The following TNC variants were observed in gnomAD, a reference collection of about 807,000 sequenced individuals.
TNC encodes the protein tenascin.
TNC carries 109 observed loss-of-function variants against 202.4 expected under a neutral mutation model. The observed-to-expected ratio is 0.54, with a 90% CI of 0.46 to 0.63. The LOEUF is 0.63. Among genes scored for constraint, TNC ranks in the 30% least tolerant of loss-of-function variants. The pLI, the probability that TNC is intolerant of heterozygous loss-of-function variation, is 0.00. For synonymous variants in TNC, 1,007 were observed against 1,089.7 expected (o/e 0.92, Z 1.50); for missense variants, 2,756 against 2,833.3 (o/e 0.97, Z 0.62).
intron 1 of TNC, among the ~76,000 whole-genome samples, chr9:115,092,133 T>A (rs1053980536): frequency 2.0e-5 from 3 of 152,186 alleles, no homozygotes; most frequent in Non-Finnish European, 4.4e-5. Context: ...TGTATAGGAT[T>A]TGTTTTGTGG....
At chr9:115,090,512 A>G in intron 2 of TNC, 50 bp downstream of exon 2, 1 of 1,441,770 alleles carries the variant, frequency 6.9e-7, no homozygotes, top group Non-Finnish European at 9.4e-7. Flanking sequence ...TATGCTCTTC[A>G]TTTCTCCATG....
In TNC at chr9:115,087,000, C is replaced by A. The variant is rs1834807585; in HGVS notation, c.731G>T (p.Gly244Val). 2 of 1,613,476 alleles carry A rather than the reference C, an allele frequency of 1.2e-6. No homozygotes were observed. The highest frequency in any genetic ancestry group is 1.7e-6 in the Non-Finnish European group (2 of 1,179,642). ...GVCICFEGYA[G>V]ADCSREICPV... ...GCAGATTTCACGGCTGCAGTCAGCC[C>A]CGGCGTAGCCTTCGAAACAGATGCA... Residue 244 changes from glycine (G) to valine (V), a missense_variant, in exon 3 of 28, where the codon GGG (glycine) becomes GTG (valine). Coordinates refer to ENST00000350763, the MANE Select transcript of TNC (RefSeq NM_002160.4).
chr9:115,020,613 T>C lies in TNC; in HGVS notation c.*544A>G, dbSNP rs1828994745. ...AAATGTTTTGGAAAGAAAGATCTCT[T>C]GAAAAATCCTTAGTTTTCATCATCA... is the stretch of plus-strand genomic sequence containing the variant. On this transcript the variant is annotated 3_prime_UTR_variant, in exon 28 of 28. Transcript: ENST00000350763. 5.6e-6 allele frequency: 2 copies of C among 357,186 alleles called. No individual in the cohort carries two copies. Among genetic ancestry groups the C allele is most frequent in the Non-Finnish European group, 5.5e-6 (1 of 181,762 alleles). The allele number at this position is 357,186 out of a possible 1,614,324, so 22.1% of individuals were successfully genotyped here.
At chr9:115,036,329 G>C (rs931443537) in intron 20 of TNC, 88 bp from the exon 21 acceptor site, 1 of 1,446,280 alleles carries the variant, frequency 6.9e-7, no homozygotes, top group Non-Finnish European at 9.5e-7. Flanking sequence ...CACCTCCTTC[G>C]AACATCGAAA....
chr9:115,090,032 C>T (rs1835098056), intron 2 of TNC, among the ~76,000 whole-genome samples: 2 of 152,198 alleles, frequency 1.3e-5, no homozygotes, highest in Admixed American at 1.3e-4. Flanking sequence ...TTTTCTAATT[C>T]TTATAACTCA....
chr9:115,035,484 G>C, intron 21 of TNC, 150 bp from the exon 22 acceptor site: 3 of 776,750 alleles, frequency 3.9e-6, no homozygotes, highest in Non-Finnish European at 5.9e-6. Flanking sequence ...TAAATAAGGT[G>C]GTTGAGCCAG....
chr9:115,024,264 C>G, intron 26 of TNC, 128 bp from the exon 27 acceptor site: 1 of 900,842 alleles, frequency 1.1e-6, no homozygotes, highest in Non-Finnish European at 1.7e-6. Context: ...ACATTGATCC[C>G]AGAGTCAGCA....
At chr9:115,045,366 GTTA>G (rs945607353) in intron 17 of TNC, among the ~76,000 whole-genome samples, 4 of 151,788 alleles carry the variant, frequency 2.6e-5, no homozygotes, top group African/African-American at 9.7e-5. Context: ...TATTACTACT[GTTA>G]TTATTATCAT....
chr9:115,079,506 C>A (rs1181320436), intron 6 of TNC, among the ~76,000 whole-genome samples: 1 of 152,190 alleles, frequency 6.6e-6, no homozygotes, highest in Admixed American at 6.5e-5. Flanking sequence ...CTACTACCTT[C>A]CTTAGTACCC....
chr9:115,044,730 G>T (rs1831047845), intron 17 of TNC, among the ~76,000 whole-genome samples: 1 of 152,190 alleles, frequency 6.6e-6, no homozygotes, highest in South Asian at 2.1e-4. Flanking sequence ...CCACAGGGAG[G>T]AGGAGACTGA....
At chr9:115,037,908 C>T (rs530361546) in intron 20 of TNC, among the ~76,000 whole-genome samples, 2 of 152,280 alleles carry the variant, frequency 1.3e-5, no homozygotes, top group East Asian at 3.9e-4. Flanking sequence ...CTCAGTATGG[C>T]CTGAAGCGGT....
At position 115,038,358 on chromosome 9, in the gene TNC, C is replaced by A. The variant is rs1034975174; in HGVS notation, c.5415G>T (p.Leu1805=). The A allele has an allele frequency of 6.2e-7, 1 of 1,614,006 alleles. No individual in the cohort carries two copies. Among genetic ancestry groups the A allele is most frequent in the Admixed American group, 1.7e-5 (1 of 60,006 alleles). ...FTTALDGPSG[L]VTANITDSEA... ...CTGAGTCAGTGATGTTGGCTGTCAC[C>A]AGGCCAGATGGGCCATCCAGAGCTG... The change falls in exon 20 of 28, where the codon CTG becomes CTT. Residue 1805 remains leucine, a synonymous_variant. Transcript: ENST00000350763.
At chr9:115,048,661 G>A in intron 15 of TNC, 129 bp from the exon 16 acceptor site, 1 of 963,276 alleles carries the variant, frequency 1.0e-6, no homozygotes, top group Non-Finnish European at 1.5e-6. Flanking sequence ...CTTAGAAAAT[G>A]AAAATTCAGT....
chr9:115,096,754 A>G (rs1318175816), intron 1 of TNC, among the ~76,000 whole-genome samples: 1 of 152,162 alleles, frequency 6.6e-6, no homozygotes, highest in Non-Finnish European at 1.5e-5. Flanking sequence ...AGCAATCCTC[A>G]ATGCTATTGT....
At chr9:115,049,559 C>A (rs1831486963) in intron 15 of TNC, among the ~76,000 whole-genome samples, 1 of 152,100 alleles carries the variant, frequency 6.6e-6, no homozygotes, top group Non-Finnish European at 1.5e-5. Flanking sequence ...CCAAAGCCAA[C>A]CCCAATCAGT....
At position 115,090,536 on chromosome 9, in the gene TNC, G is replaced by A. The variant is rs780791643; in HGVS notation, c.457+26C>T. 5 of 1,528,156 alleles carry A rather than the reference G, an allele frequency of 3.3e-6. No homozygotes were observed. The East Asian group carries it at 1.1e-4, about 35-fold the overall frequency. The allele number at this position is 1,528,156 out of a possible 1,614,324, so 94.7% of individuals were successfully genotyped here. A position where few individuals can be genotyped will look rare whatever the true frequency, so the allele number is the denominator to read the frequency against. The stretch of plus-strand genomic sequence containing the variant: ...CATTTCTCCATGTTTGCACAGTGTG[G>A]GACTGGGCGGGCCACCAGCTCATAC... On this transcript the variant is annotated intron_variant, in intron 2 of 27. Transcript: ENST00000350763.
chr9:115,021,346 G>T, intron 27 of TNC, 79 bp from the exon 28 acceptor site: 1 of 947,910 alleles, frequency 1.1e-6, no homozygotes, highest in Non-Finnish European at 1.6e-6. Context: ...GGTGTTCACT[G>T]ATCATTGCTA....
Sources: gnomAD v4.1 joint callset for allele counts (sites outside exome capture counted in the v4.1 genomes callset) on GRCh38, gnomAD v4.1.1 for gene constraint, MANE v1.5 for transcripts, NCBI Gene and HGNC (gene_info 2026-07-23, HGNC 2026-07-21) for gene names.